ADGRB1: variants seen among roughly 807,000 people sequenced by gnomAD.
ADGRB1 encodes the protein brain-specific angiogenesis inhibitor 1.
Under a neutral mutation model 175.7 loss-of-function variants are expected in ADGRB1, and 36 were observed. The observed-to-expected ratio is 0.20, with a 90% CI of 0.16 to 0.27. The LOEUF (loss-of-function observed/expected upper bound fraction) is 0.27, where lower values mean the gene tolerates loss of function less well. Ranked by LOEUF, ADGRB1 falls within the 10% of genes least tolerant of loss-of-function variation. The pLI, the probability that ADGRB1 is intolerant of heterozygous loss-of-function variation, is 1.00. For synonymous variants in ADGRB1, 1,054 were observed against 979.4 expected (o/e 1.08, Z -1.42); for missense variants, 1,731 against 2,255.3 (o/e 0.77, Z 4.71).
In ADGRB1 at chr8:142,542,572, C is replaced by G. The variant is rs771898694; in HGVS notation, c.4338C>G (p.Ala1446=). 1.3e-6 allele frequency: 2 copies of G among 1,533,534 alleles called. No homozygotes were observed. The highest frequency in any genetic ancestry group is 1.8e-6 in the Non-Finnish European group (2 of 1,140,360). The allele number at this position is 1,533,534 out of a possible 1,614,324, so 95.0% of individuals were successfully genotyped here. ...PPSLGDPGEP[A]AHPGPSTGPS... ...GCCTGGGGGATCCCGGGGAGCCTGC[C>G]GCCCATCCGGGACCCAGCACGGGGC... is the stretch of plus-strand genomic sequence containing the variant. The change falls in exon 28 of 31, where the codon GCC becomes GCG. Residue 1446 remains alanine, a synonymous_variant. Coordinates refer to ENST00000517894, the MANE Select transcript of ADGRB1 (RefSeq NM_001702.3). This position sits in a 1 kb window ranked among gnomAD's most constrained non-coding sequence, Gnocchi z 6.3.
At chr8:142,469,254 T>A (rs1213688547) in intron 2 of ADGRB1, among the ~76,000 whole-genome samples, 6 of 151,530 alleles carry the variant, frequency 4.0e-5, no homozygotes, top group African/African-American at 1.2e-4. Context: ...CATGCATGTG[T>A]GTGAATGTGT....
intron 18 of ADGRB1, among the ~76,000 whole-genome samples, chr8:142,516,450 GTGTC>G (rs1212833135): frequency 1.4e-5 from 2 of 142,250 alleles, no homozygotes; most frequent in African/African-American, 5.3e-5. Flanking sequence ...CCAGGTGCGT[GTGTC>G]TGTGCGGGCC....
At chr8:142,499,268 TC>T (rs1380895322) in intron 17 of ADGRB1, among the ~76,000 whole-genome samples, 1 of 152,142 alleles carries the variant, frequency 6.6e-6, no homozygotes, top group African/African-American at 2.4e-5. Context: ...ATGGGTGACT[TC>T]CCCCTCCTCT....
rs544955606 is a variant in ADGRB1 at position 142,537,980 on chromosome 8, C to A, written c.3666+898C>A. Among the ~76,000 whole-genome samples the A allele has an allele frequency of 3.9e-3, 588 of 152,328 alleles. 3 individuals carry two copies. The highest frequency in any genetic ancestry group is 0.012 in the African/African-American group (487 of 41,568). ...CCAGAGGCTAGCACACAGGGTGGAG[C>A]CAGGCCCCCTTCTCCACCCTCTAGG... On this transcript the variant is annotated intron_variant, in intron 26 of 30. Coordinates refer to ENST00000517894, the MANE Select transcript of ADGRB1 (RefSeq NM_001702.3). This position sits in a 1 kb window ranked among gnomAD's most constrained non-coding sequence, Gnocchi z 4.6.
Position 142,518,254 on chromosome 8 carries a change from C to G in ADGRB1, c.2921+13C>G, listed in dbSNP as rs1312988885. ...TGTCCGTGTGGAGGTGGGTGCCGCCCAGGTGCTGGGCATGCATGTCTGTGG... is the reference window on the plus strand; with the variant it reads ...TGTCCGTGTGGAGGTGGGTGCCGCCGAGGTGCTGGGCATGCATGTCTGTGG... On this transcript the variant is annotated intron_variant, in intron 19 of 30. Coordinates refer to ENST00000517894, the MANE Select transcript of ADGRB1 (RefSeq NM_001702.3). 1 of 1,612,884 alleles carries G rather than the reference C, an allele frequency of 6.2e-7. No individual in the cohort carries two copies. The highest frequency in any genetic ancestry group is 1.3e-5 in the African/African-American group (1 of 74,912).
At chr8:142,453,265 G>C (rs2131612985) in intron 1 of ADGRB1, among the ~76,000 whole-genome samples, 1 of 152,346 alleles carries the variant, frequency 6.6e-6, no homozygotes, top group East Asian at 1.9e-4. Flanking sequence ...TTGCACATGT[G>C]TGTGCGTGAC....
At position 142,533,370 on chromosome 8, in the gene ADGRB1, C is replaced by A; in HGVS notation, c.3474C>A (p.Thr1158=). Residue 1158 remains threonine, a synonymous_variant, in exon 25 of 31, where the codon ACC becomes ACA. Transcript: ENST00000517894. ...GGATGTCGGCTGTGCTCGCCGTCAC[C>A]GACCGCCGCTCCGCCCTCTTCCAGA... ...LTWMSAVLAV[T]DRRSALFQIL... The A allele has an allele frequency of 1.2e-6, 2 of 1,606,802 alleles. No homozygotes were observed. Among genetic ancestry groups the A allele is most frequent in the Non-Finnish European group, 1.7e-6 (2 of 1,177,922 alleles).
At chr8:142,462,833 G>C (rs1364311359) in intron 1 of ADGRB1, among the ~76,000 whole-genome samples, 1 of 152,206 alleles carries the variant, frequency 6.6e-6, no homozygotes, top group Non-Finnish European at 1.5e-5. Context: ...GTGGTGAGGA[G>C]ACTGAGGTCT....
chr8:142,464,485 C>G lies in ADGRB1; in HGVS notation c.287C>G (p.Pro96Arg). Residue 96 changes from proline (P) to arginine (R), a missense_variant, in exon 2 of 31, where the codon CCC (proline) becomes CGC (arginine). Coordinates refer to ENST00000517894, the MANE Select transcript of ADGRB1 (RefSeq NM_001702.3). ...AAGGCGCCCGTGCCCTGCAGCGGCCCCGGCCGCGTGCGCACCTACCAGTTC... is the reference window on the plus strand; with the variant it reads ...AAGGCGCCCGTGCCCTGCAGCGGCCGCGGCCGCGTGCGCACCTACCAGTTC... ...VAKAPVPCSGPGRVRTYQFDS... is the reference protein window; with the variant it reads ...VAKAPVPCSGRGRVRTYQFDS... The G allele has an allele frequency of 1.3e-6, 2 of 1,582,096 alleles. No individual in the cohort carries two copies. Among genetic ancestry groups the G allele is most frequent in the Non-Finnish European group, 1.7e-6 (2 of 1,168,786 alleles).
chr8:142,450,710 G>A (rs1332185599), intron 1 of ADGRB1, among the ~76,000 whole-genome samples: 2 of 152,288 alleles, frequency 1.3e-5, no homozygotes, highest in South Asian at 2.1e-4. Context: ...GCCCTCGCTC[G>A]TAGAAGCCCT....
chr8:142,487,146 G>A (rs1461472551), intron 13 of ADGRB1, among the ~76,000 whole-genome samples: 1 of 152,072 alleles, frequency 6.6e-6, no homozygotes, highest in Non-Finnish European at 1.5e-5. Context: ...ATATTTCAAA[G>A]TTTGCCCCTT....
intron 16 of ADGRB1, among the ~76,000 whole-genome samples, chr8:142,490,061 C>T (rs1841913589): frequency 6.6e-6 from 1 of 152,222 alleles, no homozygotes; most frequent in Admixed American, 6.5e-5. Flanking sequence ...GCCTGGGTTA[C>T]CGCACCAGGA....
intron 1 of ADGRB1, among the ~76,000 whole-genome samples, chr8:142,453,017 ACCTCCCTC>A (rs1839448408): frequency 7.2e-6 from 1 of 138,832 alleles, no homozygotes; most frequent in Non-Finnish European, 1.5e-5. Context: ...CCCGGCCGCC[ACCTCCCTC>A]CCGCCCGCCC....
intron 18 of ADGRB1, among the ~76,000 whole-genome samples, chr8:142,514,788 G>C (rs1563729720): frequency 6.6e-6 from 1 of 152,112 alleles, no homozygotes; most frequent in Admixed American, 6.5e-5. Flanking sequence ...GGTTTAGTGT[G>C]TGGCTGGATT....
rs1285304040 is a variant in ADGRB1 at position 142,537,491 on chromosome 8, C to T, written c.3666+409C>T. The stretch of plus-strand genomic sequence containing the variant: ...GCTCAGCTGCCACCTAGGGGTCCAG[C>T]CTAGCCTGCCCATCCCCTCCCCCTA... On this transcript the variant is annotated intron_variant, in intron 26 of 30. Coordinates refer to ENST00000517894, the MANE Select transcript of ADGRB1 (RefSeq NM_001702.3). This position sits in a 1 kb window ranked among gnomAD's most constrained non-coding sequence, Gnocchi z 4.6. Among the ~76,000 whole-genome samples, 2 of 152,070 alleles carry T rather than the reference C, an allele frequency of 1.3e-5. No homozygotes were observed. Among genetic ancestry groups the T allele is most frequent in the African/African-American group, 4.8e-5 (2 of 41,394 alleles).
intron 24 of ADGRB1, among the ~76,000 whole-genome samples, chr8:142,530,426 C>T (rs1177717271): frequency 2.0e-5 from 3 of 152,080 alleles, no homozygotes; most frequent in Admixed American, 6.5e-5. Flanking sequence ...TCATTTCGTC[C>T]GTGCCCTGCC....
chr8:142,470,530 GGTGTGTGTCCCTGTGT>G (rs1276652476), intron 2 of ADGRB1, among the ~76,000 whole-genome samples: 6 of 151,280 alleles, frequency 4.0e-5, no homozygotes, highest in African/African-American at 7.3e-5. Context: ...GTCCCTCTGT[GGTGTGTGTCCCTGTGT>G]GTGTGTGTCC....
At chr8:142,508,246 G>A (rs1438708422) in intron 17 of ADGRB1, among the ~76,000 whole-genome samples, 2 of 152,194 alleles carry the variant, frequency 1.3e-5, no homozygotes, top group African/African-American at 2.4e-5. Context: ...CCAGGGCTTA[G>A]CGGCTCTGTG....
intron 17 of ADGRB1, among the ~76,000 whole-genome samples, chr8:142,495,697 T>G (rs905833113): frequency 6.6e-6 from 1 of 152,108 alleles, no homozygotes; most frequent in African/African-American, 2.4e-5. Context: ...TCTCTGTACT[T>G]TCCTCTTCTT....
Sources: allele counts gnomAD v4.1 joint callset (sites outside exome capture counted in the v4.1 genomes callset), GRCh38; gene constraint gnomAD v4.1.1; non-coding constraint Gnocchi (gnomAD v3.1); transcripts MANE v1.5; gene names NCBI Gene and HGNC (gene_info 2026-07-23, HGNC 2026-07-21).